MAN1A1: variants seen among roughly 807,000 people sequenced by gnomAD.
MAN1A1 encodes mannosidase alpha class 1A member 1.
A neutral mutation model predicts 70.8 loss-of-function variants in MAN1A1; 29 were observed. The observed-to-expected ratio is 0.41, with a 90% confidence interval of 0.31 to 0.56. The LOEUF (loss-of-function observed/expected upper bound fraction) is 0.56. Ranked by LOEUF, MAN1A1 falls within the 20% of genes least tolerant of loss-of-function variation. MAN1A1 has a pLI of 0.29. For missense variants in MAN1A1, 747 were observed against 841.3 expected (o/e 0.89, Z 1.39); for synonymous variants, 349 against 330.1 (o/e 1.06, Z -0.62).
chr6:119,263,352 C>A (rs2114358216), intron 5 of MAN1A1, among the ~76,000 whole-genome samples: 1 of 152,168 alleles, frequency 6.6e-6, no homozygotes, highest in South Asian at 2.1e-4. Context: ...GTCCTTGCAT[C>A]AACATGAATA....
chr6:119,256,059 CA>C, intron 5 of MAN1A1, among the ~76,000 whole-genome samples: 1 of 152,196 alleles, frequency 6.6e-6, no homozygotes, highest in African/African-American at 2.4e-5. Context: ...AATATTAAAG[CA>C]CAGAGATCTT....
At chr6:119,220,173 A>G (rs946444305) in intron 6 of MAN1A1, among the ~76,000 whole-genome samples, 5 of 152,154 alleles carry the variant, frequency 3.3e-5, no homozygotes, top group Non-Finnish European at 7.4e-5. Flanking sequence ...GTTCATTACG[A>G]CAACTACTTT....
intron 2 of MAN1A1, among the ~76,000 whole-genome samples, chr6:119,336,650 C>T (rs547434424): frequency 7.9e-5 from 12 of 152,174 alleles, no homozygotes; most frequent in Non-Finnish European, 1.0e-4. Flanking sequence ...GCTTCTTTCT[C>T]TTTCTCAAAA....
chr6:119,193,018 ATTC>A (rs1248876965), intron 9 of MAN1A1, among the ~76,000 whole-genome samples: 1 of 152,180 alleles, frequency 6.6e-6, no homozygotes, highest in Non-Finnish European at 1.5e-5. Context: ...TAGAATGGAA[ATTC>A]TTACAAATAA....
chr6:119,273,250 C>G (rs1037450869), intron 5 of MAN1A1, among the ~76,000 whole-genome samples: 1 of 152,022 alleles, frequency 6.6e-6, no homozygotes, highest in East Asian at 1.9e-4. Flanking sequence ...CAGATGAGTA[C>G]AGAAAAACAG....
intron 7 of MAN1A1, among the ~76,000 whole-genome samples, chr6:119,202,074 C>A (rs1773727919): frequency 6.6e-6 from 1 of 152,014 alleles, no homozygotes; most frequent in Non-Finnish European, 1.5e-5. Context: ...AAGTATTTTT[C>A]TTTCAATAAT....
intron 2 of MAN1A1, 29 bp downstream of exon 2, chr6:119,348,434 G>T: frequency 6.5e-7 from 1 of 1,538,398 alleles, no homozygotes. Context: ...ACGGCCGGTC[G>T]GGAGGGATTT....
intron 2 of MAN1A1, among the ~76,000 whole-genome samples, chr6:119,316,271 G>A (rs1453624922): frequency 1.5e-5 from 2 of 136,974 alleles, no homozygotes; most frequent in African/African-American, 5.5e-5. Context: ...TCCACCTCCC[G>A]CGTTCAAGCG....
chr6:119,349,245 C>A lies in MAN1A1; in HGVS notation c.-180G>T. 2 of 1,214,116 alleles carry A rather than the reference C, an allele frequency of 1.6e-6. No homozygotes were observed. Among genetic ancestry groups the A allele is most frequent in the Non-Finnish European group, 2.0e-6 (2 of 977,236 alleles). The allele number at this position is 1,214,116 out of a possible 1,614,324, so 75.2% of individuals were successfully genotyped here. A position where few individuals can be genotyped will look rare whatever the true frequency, so the allele number is the denominator to read the frequency against. On this transcript the variant is annotated 5_prime_UTR_variant, in exon 2 of 13. It adds an upstream start codon to the 5' untranslated region. Coordinates refer to ENST00000368468, the MANE Select transcript of MAN1A1 (RefSeq NM_005907.4). ...CCGGGTCTTCTCCCCGGGGCGGCTC[C>A]TCGGGCACACAGGCACGCGCGACAG...
chr6:119,276,778 A>G (rs753270320), intron 5 of MAN1A1, among the ~76,000 whole-genome samples: 1 of 152,226 alleles, frequency 6.6e-6, no homozygotes, highest in Non-Finnish European at 1.5e-5. Context: ...AACTGTGGGT[A>G]TTGTTTTGTC....
At position 119,193,946 on chromosome 6, in the gene MAN1A1, T is replaced by C. The variant is rs9489619; in HGVS notation, c.1211-54A>G. ...GTGATTCAGCTTTTAATTCAGATAA[T>C]GCAGCAAAATCACATTAGCAACTAG... On this transcript the variant is annotated intron_variant, in intron 8 of 12. Coordinates refer to ENST00000368468, the MANE Select transcript of MAN1A1 (RefSeq NM_005907.4). 1.9e-3 allele frequency: 2,200 copies of C among 1,140,612 alleles called. 35 individuals carry two copies. The African/African-American group carries it at 0.03, about 15-fold the overall frequency. The allele number at this position is 1,140,612 out of a possible 1,614,324, so 70.7% of individuals were successfully genotyped here. A position where few individuals can be genotyped will look rare whatever the true frequency, so the allele number is the denominator to read the frequency against.
In MAN1A1 at chr6:119,188,556, G is replaced by A; in HGVS notation, c.1568C>T (p.Ala523Val). Residue 523 changes from alanine (A) to valine (V), a missense_variant, in exon 11 of 13, where the codon GCT (alanine) becomes GTT (valine). This residue lies in a region of MAN1A1 where 419 missense variants were observed against 548.2 expected (regional missense o/e 0.76). Coordinates refer to ENST00000368468, the MANE Select transcript of MAN1A1 (RefSeq NM_005907.4). ...NRTFMKLGPE[A>V]FRFDGGVEAI... is the part of the protein sequence containing the mutation. ...TTCAACACCACCATCAAATCTGAAA[G>A]CTTCTGGTCCCAGTTTCATAACTAA... is the stretch of plus-strand genomic sequence containing the variant. 6.2e-7 allele frequency: 1 copy of A among 1,613,212 alleles called. No individual in the cohort carries two copies. The highest frequency in any genetic ancestry group is 1.1e-5 in the South Asian group (1 of 90,816).
At chr6:119,223,643 T>C (rs971110441) in intron 6 of MAN1A1, among the ~76,000 whole-genome samples, 3 of 152,076 alleles carry the variant, frequency 2.0e-5, no homozygotes, top group Non-Finnish European at 4.4e-5. Flanking sequence ...TGAAAAGAGT[T>C]TGGATATCTA....
chr6:119,192,591 CT>C (rs1172887833), intron 9 of MAN1A1, among the ~76,000 whole-genome samples: 2 of 152,142 alleles, frequency 1.3e-5, no homozygotes, highest in Non-Finnish European at 2.9e-5. Context: ...ATGGCTACAT[CT>C]TTGGGATTAC....
chr6:119,337,631 A>G (rs1773492852), intron 2 of MAN1A1, among the ~76,000 whole-genome samples: 1 of 152,230 alleles, frequency 6.6e-6, no homozygotes, highest in South Asian at 2.1e-4. Context: ...TTCCAACCCT[A>G]CACTGTGGCT....
At chr6:119,293,021 A>T (rs945715368) in intron 4 of MAN1A1, among the ~76,000 whole-genome samples, 3 of 152,000 alleles carry the variant, frequency 2.0e-5, no homozygotes. Flanking sequence ...CTCAATTAGT[A>T]CTTGTGTTTT....
chr6:119,265,497 C>T (rs1775728289), intron 5 of MAN1A1, among the ~76,000 whole-genome samples: 2 of 152,060 alleles, frequency 1.3e-5, no homozygotes, highest in Non-Finnish European at 2.9e-5. Flanking sequence ...GAAACTTGAA[C>T]ATTTTAATAA....
chr6:119,323,531 A>T (rs1286591270), intron 2 of MAN1A1, among the ~76,000 whole-genome samples: 1 of 152,058 alleles, frequency 6.6e-6, no homozygotes, highest in East Asian at 1.9e-4. Flanking sequence ...AATGATGAAC[A>T]ACTGCAGGTT....
chr6:119,180,988 T>C (rs1037985356), intron 11 of MAN1A1, among the ~76,000 whole-genome samples: 5 of 152,200 alleles, frequency 3.3e-5, no homozygotes, highest in Non-Finnish European at 5.9e-5. Context: ...TGGAAAAATT[T>C]TTCACTGATT....
Sources: gnomAD v4.1 joint callset for allele counts (sites outside exome capture counted in the v4.1 genomes callset) on GRCh38, gnomAD v4.1.1 for gene constraint, gnomAD v4.1.1 regional missense constraint, MANE v1.5 for transcripts, NCBI Gene and HGNC (gene_info 2026-07-23, HGNC 2026-07-21) for gene names.